SIKE1: variants seen among roughly 807,000 people sequenced by gnomAD.
SIKE1 encodes the protein suppressor of IKK epsilon.
Under a neutral mutation model 25.8 loss-of-function variants are expected in SIKE1, and 13 were observed. That is an observed-to-expected ratio of 0.50 (90% CI 0.33 to 0.80). The LOEUF (loss-of-function observed/expected upper bound fraction) is 0.80. SIKE1 is among the 30% of genes least tolerant of loss of function. The probability of loss-of-function intolerance (pLI) is 0.02; values close to 1 mark genes in which losing one functional copy is unlikely to be tolerated. For missense variants in SIKE1, 222 were observed against 252.4 expected (o/e 0.88, Z 0.82); for synonymous variants, 86 against 95.5 (o/e 0.90, Z 0.58).
Position 114,779,196 on chromosome 1 carries a change from A to C in SIKE1, c.354T>G (p.Ala118=). 1 of 1,614,226 alleles carries C rather than the reference A, an allele frequency of 6.2e-7. No homozygotes were observed. The highest frequency in any genetic ancestry group is 8.5e-7 in the Non-Finnish European group (1 of 1,180,042). ...YRKQMLQLMV[A]KKAVDAEPVL... ...CTGGTTCAGCATCCACCGCTTTTTTAGCAACCATTAACTGTAACATCTGTT... is the reference window on the plus strand; with the variant it reads ...CTGGTTCAGCATCCACCGCTTTTTTCGCAACCATTAACTGTAACATCTGTT... Residue 118 remains alanine (A), a synonymous_variant, in exon 3 of 5, where the codon GCT becomes GCG. Coordinates refer to ENST00000060969, the MANE Select transcript of SIKE1 (RefSeq NM_025073.3).
chr1:114,780,172 TTG>T lies in SIKE1; in HGVS notation c.201_202del (p.Tyr67Ter), dbSNP rs1332704354. ...CTCTTGGGACAGCAGAATGTGAGGT[TTG>T]TATTTGGACATGTCCTTCATATCGG... On this transcript the variant is annotated stop_gained and frameshift_variant, in exon 2 of 5. Coordinates refer to ENST00000060969, the MANE Select transcript of SIKE1 (RefSeq NM_025073.3). LOFTEE classifies it high-confidence loss of function. 3 of 1,613,944 alleles carry T rather than the reference TTG, an allele frequency of 1.9e-6. No individual in the cohort carries two copies. The highest frequency in any genetic ancestry group is 2.5e-6 in the Non-Finnish European group (3 of 1,179,984).
intron 3 of SIKE1, chr1:114,778,812 G>A: frequency 3.4e-6 from 1 of 293,122 alleles, no homozygotes; most frequent in Non-Finnish European, 6.4e-6. Flanking sequence ...GATCGCTTGA[G>A]CCCAGGAGTT....
intron 4 of SIKE1, among the ~76,000 whole-genome samples, chr1:114,774,826 G>T (rs1166101906): frequency 6.6e-6 from 1 of 152,138 alleles, no homozygotes; most frequent in African/African-American, 2.4e-5. Context: ...ATTACTTATT[G>T]AGCATGTAGC....
intron 2 of SIKE1, 111 bp from the exon 3 acceptor site, chr1:114,779,395 T>G (rs764108185): frequency 1.8e-5 from 20 of 1,133,038 alleles, no homozygotes; most frequent in Non-Finnish European, 2.4e-5. Flanking sequence ...AATCTAAAGT[T>G]GTAAATCAAT....
At chr1:114,774,427 C>T (rs1662157170) in intron 4 of SIKE1, 55 bp from the exon 5 acceptor site, 4 of 1,170,080 alleles carry the variant, frequency 3.4e-6, no homozygotes, top group Non-Finnish European at 3.7e-6. Context: ...AACTGCATTA[C>T]AACAACACAT....
At chr1:114,775,472 C>T (rs1388472955) in intron 4 of SIKE1, among the ~76,000 whole-genome samples, 1 of 151,284 alleles carries the variant, frequency 6.6e-6, no homozygotes, top group East Asian at 1.9e-4. Flanking sequence ...TTGTAATAAG[C>T]AGCATTCAAA....
chr1:114,779,475 C>G (rs1313508930), intron 2 of SIKE1, among the ~76,000 whole-genome samples, 191 bp from the exon 3 acceptor site: 1 of 152,206 alleles, frequency 6.6e-6, no homozygotes, highest in Non-Finnish European at 1.5e-5. Context: ...GAAGCAAAGT[C>G]TTGCAGAAAC....
rs1052959306 is a variant in SIKE1 at position 114,771,131 on chromosome 1, G to C, written c.*3140C>G. 2.0e-5 allele frequency: 3 copies of C among 152,208 alleles called. No individual in the cohort carries two copies. The highest frequency in any genetic ancestry group is 2.0e-4 in the Admixed American group (3 of 15,286). The allele number at this position is 152,208 out of a possible 1,614,324, so 9.4% of individuals were successfully genotyped here. A position where few individuals can be genotyped will look rare whatever the true frequency, so the allele number is the denominator to read the frequency against. On this transcript the variant is annotated 3_prime_UTR_variant, in exon 5 of 5. Coordinates refer to ENST00000060969, the MANE Select transcript of SIKE1 (RefSeq NM_025073.3). ...CAAGAAAACAGCATGAGGGATGTAA[G>C]CCAATATGGTAAGGAGGCAGATTTG...
At position 114,773,206 on chromosome 1, in the gene SIKE1, T is replaced by A. The variant is rs1452571413; in HGVS notation, c.*1065A>T. The A allele has an allele frequency of 6.6e-6, 1 of 152,110 alleles. No individual in the cohort carries two copies. The highest frequency in any genetic ancestry group is 6.5e-5 in the Admixed American group (1 of 15,268). 9.4% of individuals were successfully genotyped at this position (152,110 alleles called of 1,614,324 possible). ...CCACTGGGCATTTGAATCTCAATGTTGCCTACACAGCATTATGAGTGTAAT... is the reference window on the plus strand; with the variant it reads ...CCACTGGGCATTTGAATCTCAATGTAGCCTACACAGCATTATGAGTGTAAT... On this transcript the variant is annotated 3_prime_UTR_variant, in exon 5 of 5. Coordinates refer to ENST00000060969, the MANE Select transcript of SIKE1 (RefSeq NM_025073.3).
At position 114,769,766 on chromosome 1, in the gene SIKE1, G is replaced by A. The variant is rs1040484251; in HGVS notation, c.*4505C>T. On this transcript the variant is annotated 3_prime_UTR_variant, in exon 5 of 5. Coordinates refer to ENST00000060969, the MANE Select transcript of SIKE1 (RefSeq NM_025073.3). ...CGAACAAATCTATTAAAAAGAGAGC[G>A]GGGGGGTCGGCAAAGATAGGAGAAG... 5.9e-5 allele frequency: 9 copies of A among 151,968 alleles called. No homozygotes were observed. Among genetic ancestry groups the A allele is most frequent in the Admixed American group, 3.3e-4 (5 of 15,262 alleles). 9.4% of individuals were successfully genotyped at this position (151,968 alleles called of 1,614,324 possible). A position where few individuals can be genotyped will look rare whatever the true frequency, so the allele number is the denominator to read the frequency against.
chr1:114,777,786 C>T (rs1441665999), intron 3 of SIKE1, among the ~76,000 whole-genome samples: 2 of 151,860 alleles, frequency 1.3e-5, no homozygotes, highest in African/African-American at 4.8e-5. Flanking sequence ...GCATCAATCC[C>T]CCAGTAGGTC....
At position 114,772,320 on chromosome 1, in the gene SIKE1, G is replaced by A. The variant is rs1164529849; in HGVS notation, c.*1951C>T. 1.3e-5 allele frequency: 2 copies of A among 152,126 alleles called. No homozygotes were observed. Among genetic ancestry groups the A allele is most frequent in the African/African-American group, 4.8e-5 (2 of 41,432 alleles). The allele number at this position is 152,126 out of a possible 1,614,324, so 9.4% of individuals were successfully genotyped here. A position where few individuals can be genotyped will look rare whatever the true frequency, so the allele number is the denominator to read the frequency against. On this transcript the variant is annotated 3_prime_UTR_variant, in exon 5 of 5. Transcript: ENST00000060969. Reference sequence around the variant, plus strand: ...GGCAAGTTCTTCATCCACTCAAGGAGAAACTTTAAAATCCACTTAAAATGA... The same window carrying A: ...GGCAAGTTCTTCATCCACTCAAGGAAAAACTTTAAAATCCACTTAAAATGA...
Position 114,769,747 on chromosome 1 carries a change from A to G in SIKE1, c.*4524T>C, listed in dbSNP as rs760930710. ...TTTTAGGTCTTTCTACATTCGAACA[A>G]ATCTATTAAAAAGAGAGCGGGGGGG... On this transcript the variant is annotated 3_prime_UTR_variant, in exon 5 of 5. Coordinates refer to ENST00000060969, the MANE Select transcript of SIKE1 (RefSeq NM_025073.3). The G allele has an allele frequency of 1.3e-5, 2 of 152,178 alleles. No homozygotes were observed. The highest frequency in any genetic ancestry group is 2.9e-5 in the Non-Finnish European group (2 of 68,030). 9.4% of individuals were successfully genotyped at this position (152,178 alleles called of 1,614,324 possible).
chr1:114,774,377 A>G lies in SIKE1; in HGVS notation c.523-5T>C, dbSNP rs764337024. 2.6e-6 allele frequency: 4 copies of G among 1,533,414 alleles called. No individual in the cohort carries two copies. Among genetic ancestry groups the G allele is most frequent in the South Asian group, 2.4e-5 (2 of 84,480 alleles). 95.0% of individuals were successfully genotyped at this position (1,533,414 alleles called of 1,614,324 possible). On this transcript the variant is annotated splice_region_variant and splice_polypyrimidine_tract_variant and intron_variant, in intron 4 of 4. Coordinates refer to ENST00000060969, the MANE Select transcript of SIKE1 (RefSeq NM_025073.3). ...TCGAAGTTCCTTATTTTCAAGCTGGAAAAAAAAAGGCATGTTTATTTCTGG... is the reference window on the plus strand; with the variant it reads ...TCGAAGTTCCTTATTTTCAAGCTGGGAAAAAAAAGGCATGTTTATTTCTGG...
chr1:114,777,673 C>T (rs1404622996), intron 3 of SIKE1, among the ~76,000 whole-genome samples: 2 of 152,196 alleles, frequency 1.3e-5, no homozygotes, highest in Non-Finnish European at 2.9e-5. Context: ...ACTAAGGTTT[C>T]ATCCAATGCC....
At position 114,780,351 on chromosome 1, in the gene SIKE1, A is replaced by G. The variant is rs530617369; in HGVS notation, c.159+98T>C. 1.9e-6 allele frequency: 3 copies of G among 1,603,500 alleles called. No homozygotes were observed. In the East Asian group the frequency reaches 7.0e-5, roughly 37 times the overall value. ...AATGGTCTCACCGCCGCCCTCTGAG[A>G]CCGGGAATAAATTCCAGGCCGAGTT... On this transcript the variant is annotated intron_variant, in intron 1 of 4. Transcript: ENST00000060969.
intron 3 of SIKE1, among the ~76,000 whole-genome samples, chr1:114,777,346 TATA>T (rs1354820095): frequency 3.9e-5 from 6 of 152,244 alleles, no homozygotes; most frequent in Non-Finnish European, 8.8e-5. Flanking sequence ...TTAAAATATA[TATA>T]ATGTTTCTTA....
rs746068382 is a variant in SIKE1, at chr1:114,780,109, C to T, written c.265+1G>A. On this transcript the variant is annotated splice_donor_variant, in intron 2 of 4. Coordinates refer to ENST00000060969, the MANE Select transcript of SIKE1 (RefSeq NM_025073.3). LOFTEE classifies it high-confidence loss of function. ...ACCAGATATGAAAAGGCCTGACTAA[C>T]CTCTGTTTTCCTGTTGCAAGTCTCT... 3 of 1,604,850 alleles carry T rather than the reference C, an allele frequency of 1.9e-6. No homozygotes were observed. Among genetic ancestry groups the T allele is most frequent in the Admixed American group, 1.7e-5 (1 of 58,810 alleles).
chr1:114,777,471 AC>A (rs1183717252), intron 3 of SIKE1, among the ~76,000 whole-genome samples: 10 of 152,116 alleles, frequency 6.6e-5, no homozygotes, highest in African/African-American at 2.4e-4. Context: ...CTCATAAGTA[AC>A]CCTTTGGTAT....
Sources: gnomAD v4.1 joint callset for allele counts (sites outside exome capture counted in the v4.1 genomes callset) on GRCh38, gnomAD v4.1.1 for gene constraint, MANE v1.5 for transcripts, NCBI Gene and HGNC (gene_info 2026-07-23, HGNC 2026-07-21) for gene names.